Variants in MICAL2 observed in about 807,000 individuals in gnomAD.
MICAL2 encodes the protein microtubule associated monooxygenase, calponin and LIM domain containing 2, also known as [F-actin]-monooxygenase MICAL2.
MICAL2 carries 77 observed loss-of-function variants against 127.3 expected under a neutral mutation model. That is an observed-to-expected ratio of 0.60 (90% CI 0.50 to 0.73). MICAL2 has a LOEUF of 0.73. Ranked by LOEUF, MICAL2 falls within the 30% of genes least tolerant of loss-of-function variation. MICAL2 has a pLI of 0.00. For missense variants in MICAL2, 1,351 were observed against 1,434.4 expected (o/e 0.94, Z 0.94); for synonymous variants, 570 against 551.1 (o/e 1.03, Z -0.48).
At chr11:12,280,611 A>C (rs577810221) in intron 1 of MICAL2, among the ~76,000 whole-genome samples, 39 of 152,270 alleles carry the variant, frequency 2.6e-4, no homozygotes, top group Admixed American at 5.2e-4. Context: ...GTGTGTCCAC[A>C]TTTCCTCTTC....
chr11:12,226,496 A>G, intron 14 of MICAL2, 126 bp downstream of exon 14: 1 of 908,300 alleles, frequency 1.1e-6, no homozygotes, highest in Non-Finnish European at 1.7e-6. Context: ...CTTGACTTTG[A>G]GGCCAAACAG....
intron 2 of MICAL2, among the ~76,000 whole-genome samples, chr11:12,139,505 G>A (rs1852141922): frequency 1.3e-5 from 2 of 152,288 alleles, no homozygotes; most frequent in Admixed American, 1.3e-4. Flanking sequence ...CCGGCGGAGG[G>A]GCAGCCGGCG....
chr11:12,198,379 G>A (rs77507125), intron 3 of MICAL2, among the ~76,000 whole-genome samples: 443 of 152,316 alleles, frequency 2.9e-3, no homozygotes, highest in African/African-American at 0.01. Context: ...GTAAACCCCA[G>A]CACTGCCCTG....
intron 34 of MICAL2, among the ~76,000 whole-genome samples, chr11:12,356,011 C>T (rs1415159588): frequency 6.6e-6 from 1 of 152,000 alleles, no homozygotes; most frequent in Admixed American, 6.5e-5. Flanking sequence ...CTGGAATATA[C>T]CTAACTTAAT....
At chr11:12,292,133 TC>T, downstream of MICAL2, 1 of 1,612,464 alleles carries the variant, frequency 6.2e-7, no homozygotes, top group Non-Finnish European at 8.5e-7. Flanking sequence ...GTGTGTTCTT[TC>T]CTTGGTAGGT....
At chr11:12,304,637 AAC>A (rs57280679) in intron 29 of MICAL2, among the ~76,000 whole-genome samples, 8,549 of 128,794 alleles carry the variant, frequency 0.066, 499 homozygotes, top group African/African-American at 0.13. Context: ...CTCTGTCTCA[AAC>A]ACACACACAC....
In MICAL2 at chr11:12,207,651, G is replaced by T. The variant is rs564299691; in HGVS notation, c.473-372G>T. 360 of 170,128 alleles carry T rather than the reference G, an allele frequency of 2.1e-3. 1 individual carries two copies. Among genetic ancestry groups the T allele is most frequent in the African/African-American group, 8.0e-3 (336 of 42,032 alleles). The allele number at this position is 170,128 out of a possible 1,614,324, so 10.5% of individuals were successfully genotyped here. A position where few individuals can be genotyped will look rare whatever the true frequency, so the allele number is the denominator to read the frequency against. On this transcript the variant is annotated intron_variant, in intron 4 of 27. Transcript: ENST00000683283. ...ATTTCATCAAACCCAGAGCCCAGCT[G>T]GGGAAGGAGGCTGGAAAGACAGAGC...
chr11:12,133,334 G>A (rs1813154), intron 1 of MICAL2, among the ~76,000 whole-genome samples: 52,622 of 151,934 alleles, frequency 0.35, 9,698 homozygotes, highest in Admixed American at 0.4. Flanking sequence ...TGCCTGCCTC[G>A]GGCTCCCAAA....
chr11:12,196,519 A>G (rs1859952279), intron 3 of MICAL2, among the ~76,000 whole-genome samples: 1 of 152,144 alleles, frequency 6.6e-6, no homozygotes, highest in Non-Finnish European at 1.5e-5. Context: ...ACTTCCAGGT[A>G]TAGAGGACAG....
chr11:12,179,222 G>A (rs1157780451), intron 3 of MICAL2, among the ~76,000 whole-genome samples: 3 of 152,086 alleles, frequency 2.0e-5, no homozygotes, highest in Non-Finnish European at 2.9e-5. Flanking sequence ...CTCACAGGCC[G>A]CCTTCTTGGC....
exon 35 of MICAL2, chr11:12,358,345 G>C (rs371215940): frequency 6.2e-7 from 1 of 1,614,100 alleles, no homozygotes; most frequent in Non-Finnish European, 8.5e-7. Context: ...AGTATTCACC[G>C]AGCTGATGCA....
At chr11:12,191,303 T>TA (rs538741002) in intron 3 of MICAL2, among the ~76,000 whole-genome samples, 3,060 of 146,176 alleles carry the variant, frequency 0.021, 105 homozygotes, top group African/African-American at 0.072. Context: ...TATCTCTATT[T>TA]AAAAAAAAAA....
At chr11:12,332,987 T>C (rs1461788486) in intron 32 of MICAL2, among the ~76,000 whole-genome samples, 2 of 152,184 alleles carry the variant, frequency 1.3e-5, no homozygotes, top group Non-Finnish European at 2.9e-5. Context: ...GCTTGCTGTA[T>C]ATTCACCTCT....
chr11:12,229,824 G>A (rs1857976819), intron 15 of MICAL2, among the ~76,000 whole-genome samples: 1 of 152,192 alleles, frequency 6.6e-6, no homozygotes, highest in South Asian at 2.1e-4. Context: ...TTTGAATCTT[G>A]TTCAGTCTTC....
At chr11:12,328,541 T>C (rs1864379895) in intron 32 of MICAL2, among the ~76,000 whole-genome samples, 1 of 152,148 alleles carries the variant, frequency 6.6e-6, no homozygotes, top group South Asian at 2.1e-4. Context: ...GTGAAGGGTT[T>C]TCAGGTAAGG....
At chr11:12,161,385 T>G (rs1025276677) in intron 2 of MICAL2, 1 of 152,188 alleles carries the variant, frequency 6.6e-6, no homozygotes, top group Non-Finnish European at 1.5e-5. Context: ...ACAGGCCCCC[T>G]TTGCACAGGC....
At chr11:12,163,970 G>A (rs1479853436) in intron 3 of MICAL2, among the ~76,000 whole-genome samples, 1 of 152,054 alleles carries the variant, frequency 6.6e-6, no homozygotes, top group African/African-American at 2.4e-5. Context: ...ATTAGGGAAT[G>A]CTATTGCCCC....
intron 21 of MICAL2, among the ~76,000 whole-genome samples, chr11:12,248,303 G>T (rs1223109717): frequency 6.6e-6 from 1 of 152,200 alleles, no homozygotes; most frequent in Non-Finnish European, 1.5e-5. Context: ...CCAGGCTGTG[G>T]ACTGTGAGAC....
downstream of MICAL2, among the ~76,000 whole-genome samples, chr11:12,289,114 A>G (rs996902819): frequency 6.6e-6 from 1 of 152,242 alleles, no homozygotes; most frequent in African/African-American, 2.4e-5. Flanking sequence ...GATGACCTCT[A>G]GGATCTACGA....
Sources: gnomAD v4.1 joint callset for allele counts (sites outside exome capture counted in the v4.1 genomes callset) on GRCh38, gnomAD v4.1.1 for gene constraint, MANE v1.5 for transcripts, NCBI Gene and HGNC (gene_info 2026-07-23, HGNC 2026-07-21) for gene names.